IMMP2L: variants seen among roughly 807,000 people sequenced by gnomAD.
The protein encoded by IMMP2L is inner mitochondrial membrane peptidase subunit 2.
In IMMP2L, 18 loss-of-function variants were observed where a neutral mutation model predicts 19.3. That is an observed-to-expected ratio of 0.93 (90% CI 0.64 to 1.38). The LOEUF (loss-of-function observed/expected upper bound fraction) is 1.38. Among genes scored for constraint, IMMP2L ranks in the 40% most tolerant of loss-of-function variants. The probability of loss-of-function intolerance (pLI) is 0.00; values close to 1 mark genes in which losing one functional copy is unlikely to be tolerated. For synonymous variants in IMMP2L, 76 were observed against 73.0 expected (o/e 1.04, Z -0.21); for missense variants, 233 against 218.2 (o/e 1.07, Z -0.43).
intron 5 of IMMP2L, among the ~76,000 whole-genome samples, chr7:110,776,759 C>G (rs369268828): frequency 2.0e-5 from 3 of 151,986 alleles, no homozygotes; most frequent in African/African-American, 7.2e-5. Context: ...GAAAGCCTGA[C>G]GACTATAAAA....
At chr7:111,290,152 T>C (rs1384700035) in intron 3 of IMMP2L, among the ~76,000 whole-genome samples, 2 of 152,146 alleles carry the variant, frequency 1.3e-5, no homozygotes, top group African/African-American at 4.8e-5. Flanking sequence ...TAAGTCCACA[T>C]CATTCTTAAT....
chr7:111,184,574 T>C (rs982525978), intron 3 of IMMP2L, among the ~76,000 whole-genome samples: 3 of 152,088 alleles, frequency 2.0e-5, no homozygotes, highest in African/African-American at 7.2e-5. Context: ...GAAGCAGTTG[T>C]AGCAACCAGT....
intron 5 of IMMP2L, among the ~76,000 whole-genome samples, chr7:110,882,291 T>TGCCTTCCTGCCTGCCTG (rs761291073): frequency 1.7e-5 from 1 of 58,606 alleles, no homozygotes; most frequent in African/African-American, 5.4e-5. Flanking sequence ...TCAAGTGCCT[T>TGCCTTCCTGCCTGCCTG]CCTTCCTTCC....
intron 3 of IMMP2L, among the ~76,000 whole-genome samples, chr7:111,190,174 T>A (rs1808717739): frequency 6.6e-6 from 1 of 152,098 alleles, no homozygotes; most frequent in African/African-American, 2.4e-5. Context: ...AGCTAGTAGG[T>A]ATATGCTTTA....
At chr7:111,478,981 G>C (rs1841957086) in intron 3 of IMMP2L, among the ~76,000 whole-genome samples, 1 of 152,184 alleles carries the variant, frequency 6.6e-6, no homozygotes, top group Admixed American at 6.5e-5. Flanking sequence ...GTTTATCAAA[G>C]AATACATTTT....
chr7:110,793,268 A>C (rs1800600807), intron 5 of IMMP2L, among the ~76,000 whole-genome samples: 1 of 151,928 alleles, frequency 6.6e-6, no homozygotes, highest in Non-Finnish European at 1.5e-5. Context: ...AAAAACCTCC[A>C]AATTATCCTG....
intron 3 of IMMP2L, among the ~76,000 whole-genome samples, chr7:111,010,345 T>C (rs1261935141): frequency 2.0e-5 from 3 of 152,114 alleles, no homozygotes; most frequent in Admixed American, 2.0e-4. Flanking sequence ...CAAAATTTGG[T>C]TTAACAATTA....
chr7:110,950,868 A>ATATATATATATATATATATATG (rs1367615263), intron 4 of IMMP2L, among the ~76,000 whole-genome samples: 1 of 140,620 alleles, frequency 7.1e-6, no homozygotes, highest in Non-Finnish European at 1.5e-5. Context: ...ATATATATAT[A>ATATATATATATATATATATATG]TATGTATATA....
chr7:111,461,058 A>G (rs1840092878), intron 3 of IMMP2L, among the ~76,000 whole-genome samples: 1 of 152,124 alleles, frequency 6.6e-6, no homozygotes, highest in African/African-American at 2.4e-5. Flanking sequence ...TAGGTATGGT[A>G]TTCCATCAAG....
At chr7:111,002,744 C>T (rs1157353017) in intron 3 of IMMP2L, among the ~76,000 whole-genome samples, 2 of 152,186 alleles carry the variant, frequency 1.3e-5, no homozygotes, top group Non-Finnish European at 2.9e-5. Context: ...AGTCAGTTTC[C>T]ACTGCATCCT....
At chr7:111,156,538 A>T (rs1804665605) in intron 3 of IMMP2L, among the ~76,000 whole-genome samples, 1 of 152,066 alleles carries the variant, frequency 6.6e-6, no homozygotes, top group African/African-American at 2.4e-5. Flanking sequence ...GATTACATTA[A>T]ATCTATACTC....
intron 3 of IMMP2L, among the ~76,000 whole-genome samples, chr7:111,241,437 G>C (rs1815022942): frequency 6.6e-6 from 1 of 151,866 alleles, no homozygotes; most frequent in Admixed American, 6.6e-5. Flanking sequence ...TCTGGAACTA[G>C]ACAGAGACAG....
intron 3 of IMMP2L, among the ~76,000 whole-genome samples, chr7:110,981,767 G>C (rs1821330084): frequency 6.6e-6 from 1 of 151,952 alleles, no homozygotes; most frequent in African/African-American, 2.4e-5. Context: ...AATGGGAATG[G>C]AACCTCTTTC....
intron 3 of IMMP2L, among the ~76,000 whole-genome samples, chr7:111,313,694 T>C (rs866478449): frequency 6.6e-6 from 1 of 152,162 alleles, no homozygotes. Flanking sequence ...CGTCAGGAAA[T>C]AGAATCAGAG....
intron 3 of IMMP2L, among the ~76,000 whole-genome samples, chr7:110,972,688 G>A (rs1293763613): frequency 1.3e-5 from 2 of 152,042 alleles, no homozygotes; most frequent in Non-Finnish European, 1.5e-5. Context: ...TTCCAAGGAC[G>A]AACAGAAGTT....
intron 3 of IMMP2L, among the ~76,000 whole-genome samples, chr7:111,185,659 T>G (rs1808190395): frequency 6.6e-6 from 1 of 152,166 alleles, no homozygotes; most frequent in Admixed American, 6.5e-5. Flanking sequence ...ACTAAAATTT[T>G]TGTAACCTAA....
chr7:110,663,614 T>C lies in IMMP2L; in HGVS notation c.516A>G (p.Arg172=). The change falls in exon 6 of 6, where the codon AGA becomes AGG. Residue 172 remains arginine (R), a synonymous_variant. Coordinates refer to ENST00000405709, the MANE Select transcript of IMMP2L (RefSeq NM_032549.4). ...VLPPERLPVQ[R]EEE ...TAGATTCATGCAGTCATTCCTCTTCTCTCTGTACTGGTAAGCGCTCTGGAG... is the reference window on the plus strand; with the variant it reads ...TAGATTCATGCAGTCATTCCTCTTCCCTCTGTACTGGTAAGCGCTCTGGAG... 1.2e-6 allele frequency: 2 copies of C among 1,613,514 alleles called. No homozygotes were observed. The highest frequency in any genetic ancestry group is 8.5e-7 in the Non-Finnish European group (1 of 1,179,572).
At chr7:110,785,620 C>T (rs1056329546) in intron 5 of IMMP2L, among the ~76,000 whole-genome samples, 3 of 151,910 alleles carry the variant, frequency 2.0e-5, no homozygotes, top group Admixed American at 6.6e-5. Flanking sequence ...GTCTTTCCAT[C>T]CTCTACTATG....
intron 3 of IMMP2L, among the ~76,000 whole-genome samples, chr7:111,120,396 T>G (rs1191425462): frequency 6.6e-6 from 1 of 152,004 alleles, no homozygotes; most frequent in African/African-American, 2.4e-5. Context: ...ATTTCCCCTA[T>G]AAAAACATCA....
Sources: gnomAD v4.1 joint callset for allele counts (sites outside exome capture counted in the v4.1 genomes callset) on GRCh38, gnomAD v4.1.1 for gene constraint, MANE v1.5 for transcripts, NCBI Gene and HGNC (gene_info 2026-07-23, HGNC 2026-07-21) for gene names.